CTNNA3: variants seen among roughly 807,000 people sequenced by gnomAD.
CTNNA3 encodes catenin alpha 3.
CTNNA3 carries 76 observed loss-of-function variants against 95.7 expected under a neutral mutation model. The observed-to-expected ratio is 0.79, with a 90% CI of 0.66 to 0.96. The LOEUF is 0.96. CTNNA3 is among the 40% of genes least tolerant of loss of function. The pLI, the probability that CTNNA3 is intolerant of heterozygous loss-of-function variation, is 0.00. For missense variants in CTNNA3, 1,191 were observed against 1,089.8 expected (o/e 1.09, Z -1.31); for synonymous variants, 431 against 374.4 (o/e 1.15, Z -1.74).
intron 3 of CTNNA3, among the ~76,000 whole-genome samples, chr10:67,595,526 A>C (rs1283952484): frequency 1.3e-5 from 2 of 151,992 alleles, no homozygotes; most frequent in Non-Finnish European, 2.9e-5. Flanking sequence ...AGTTTCTTTG[A>C]ATTTGTTGAG....
At chr10:66,873,063 A>G (rs1844476640) in intron 7 of CTNNA3, among the ~76,000 whole-genome samples, 1 of 152,180 alleles carries the variant, frequency 6.6e-6, no homozygotes, top group African/African-American at 2.4e-5. Context: ...TTCACGATGT[A>G]TATTACCACA....
intron 7 of CTNNA3, among the ~76,000 whole-genome samples, chr10:67,009,610 T>A (rs188576523): frequency 7.2e-5 from 11 of 152,282 alleles, no homozygotes; most frequent in African/African-American, 1.9e-4. Context: ...AATCTTCCAA[T>A]GTTTTTTGGG....
At chr10:66,965,319 G>A (rs1257339383) in intron 7 of CTNNA3, among the ~76,000 whole-genome samples, 3 of 152,036 alleles carry the variant, frequency 2.0e-5, no homozygotes, top group Non-Finnish European at 4.4e-5. Context: ...GGTGGATCAT[G>A]AGGTCAAGAG....
intron 4 of CTNNA3, among the ~76,000 whole-genome samples, chr10:67,525,496 T>C (rs1290419503): frequency 6.6e-6 from 1 of 152,204 alleles, no homozygotes. Flanking sequence ...GTCTCAGCAG[T>C]CCCTTTTCCC....
intron 17 of CTNNA3, among the ~76,000 whole-genome samples, chr10:65,952,397 CTTCT>C (rs908861800): frequency 1.3e-5 from 2 of 151,984 alleles, no homozygotes; most frequent in Admixed American, 1.3e-4. Context: ...ACTGAAGCAT[CTTCT>C]TTCTTCTCTT....
At position 66,766,289 on chromosome 10, in the gene CTNNA3, T is replaced by C. The variant is rs1292553472; in HGVS notation, c.1256A>G (p.His419Arg). Residue 419 changes from histidine to arginine, a missense_variant, in exon 9 of 18, where the codon CAT (histidine) becomes CGT (arginine). His to Arg is a conservative substitution (Grantham distance 29). Transcript: ENST00000433211. ...KEIKEYAAIF[H>R]EHTSRLVEVA... ...CTCTACAAGCCTGCTGGTGTGTTCA[T>C]GAAATATCGCAGCATATTCTTTTAT... 1.9e-6 allele frequency: 3 copies of C among 1,613,778 alleles called. No individual in the cohort carries two copies. Among genetic ancestry groups the C allele is most frequent in the Non-Finnish European group, 2.5e-6 (3 of 1,179,856 alleles).
chr10:66,079,202 C>CA (rs2080648551), intron 14 of CTNNA3: 1 of 151,962 alleles, frequency 6.6e-6, no homozygotes, highest in Non-Finnish European at 1.5e-5. Flanking sequence ...CATCACCCAG[C>CA]ATTTATTGAT....
chr10:66,840,340 TCTCTCTCTCTC>T (rs1180227086), intron 7 of CTNNA3, among the ~76,000 whole-genome samples: 1 of 113,048 alleles, frequency 8.8e-6, no homozygotes, highest in Non-Finnish European at 1.7e-5. Context: ...TCTCTCTCTC[TCTCTCTCTCTC>T]TCTCTCTCTC....
chr10:67,587,231 G>A (rs1010912607), intron 3 of CTNNA3, among the ~76,000 whole-genome samples: 1 of 150,830 alleles, frequency 6.6e-6, no homozygotes, highest in African/African-American at 2.4e-5. Context: ...GTGTGTGTGT[G>A]TGTGTGTGTG....
At chr10:66,239,696 C>A (rs1251782854) in intron 13 of CTNNA3, among the ~76,000 whole-genome samples, 1 of 151,928 alleles carries the variant, frequency 6.6e-6, no homozygotes, top group Non-Finnish European at 1.5e-5. Context: ...TTATGAGTTT[C>A]AGGTGGCATT....
intron 12 of CTNNA3, among the ~76,000 whole-genome samples, chr10:66,376,078 G>C (rs745684959): frequency 1.1e-4 from 17 of 152,148 alleles, no homozygotes; most frequent in Non-Finnish European, 2.4e-4. Flanking sequence ...TGCAACAGCT[G>C]CTCTGGGGCC....
chr10:67,640,237 G>C (rs1168438772), intron 2 of CTNNA3, among the ~76,000 whole-genome samples: 1 of 152,128 alleles, frequency 6.6e-6, no homozygotes, highest in Non-Finnish European at 1.5e-5. Flanking sequence ...CAAATCATGA[G>C]TGAACTCCCA....
At chr10:67,231,525 A>G (rs979367471) in intron 5 of CTNNA3, among the ~76,000 whole-genome samples, 1 of 152,228 alleles carries the variant, frequency 6.6e-6, no homozygotes, top group Non-Finnish European at 1.5e-5. Context: ...ACCCATCTGT[A>G]CATGACCATC....
intron 11 of CTNNA3, among the ~76,000 whole-genome samples, chr10:66,488,490 C>A (rs968082374): frequency 6.6e-6 from 1 of 152,070 alleles, no homozygotes; most frequent in African/African-American, 2.4e-5. Flanking sequence ...ATTGTAAATG[C>A]CTTTGGTGTT....
At chr10:67,601,680 G>T (rs1292702918) in intron 3 of CTNNA3, among the ~76,000 whole-genome samples, 1 of 152,156 alleles carries the variant, frequency 6.6e-6, no homozygotes, top group East Asian at 1.9e-4. Context: ...CTGGGTAACT[G>T]CTATACGAAT....
At chr10:66,558,546 T>C (rs989133642) in intron 10 of CTNNA3, among the ~76,000 whole-genome samples, 43 of 152,168 alleles carry the variant, frequency 2.8e-4, no homozygotes, top group African/African-American at 1.0e-3. Flanking sequence ...ACATATTGCA[T>C]AAATTCCTAC....
At chr10:66,303,786 G>T (rs1383292297) in intron 12 of CTNNA3, among the ~76,000 whole-genome samples, 1 of 151,988 alleles carries the variant, frequency 6.6e-6, no homozygotes, top group Admixed American at 6.6e-5. Context: ...GTAGAGACAG[G>T]GTTTCACCGT....
intron 2 of CTNNA3, among the ~76,000 whole-genome samples, chr10:67,640,261 C>G (rs1839481711): frequency 6.6e-6 from 1 of 152,100 alleles, no homozygotes; most frequent in Admixed American, 6.6e-5. Context: ...ACAATTGCTT[C>G]AAAGAGAATA....
intron 11 of CTNNA3, among the ~76,000 whole-genome samples, chr10:66,415,997 C>A (rs1228862538): frequency 6.6e-6 from 1 of 151,962 alleles, no homozygotes; most frequent in East Asian, 1.9e-4. Flanking sequence ...AGTAAAAATT[C>A]AATTATTGAT....
Sources: gnomAD v4.1 joint callset for allele counts (sites outside exome capture counted in the v4.1 genomes callset) on GRCh38, gnomAD v4.1.1 for gene constraint, MANE v1.5 for transcripts, NCBI Gene and HGNC (gene_info 2026-07-23, HGNC 2026-07-21) for gene names.